Variants in FAF1 observed in about 807,000 individuals in gnomAD.
FAF1 encodes the protein FAS-associated factor 1.
FAF1 carries 25 observed loss-of-function variants against 92.5 expected under a neutral mutation model. The observed-to-expected ratio is 0.27, with a 90% CI of 0.20 to 0.38. FAF1 has a LOEUF of 0.38. Ranked by LOEUF, FAF1 falls within the 10% of genes least tolerant of loss-of-function variation. FAF1 has a pLI of 1.00. For missense variants in FAF1, 636 were observed against 793.3 expected (o/e 0.80, Z 2.38); for synonymous variants, 234 against 273.2 (o/e 0.86, Z 1.42).
chr1:50,941,409 G>T (rs1645131905), intron 1 of FAF1, among the ~76,000 whole-genome samples: 1 of 152,072 alleles, frequency 6.6e-6, no homozygotes, highest in African/African-American at 2.4e-5. Flanking sequence ...TAGAGATGGG[G>T]TTTTACCATG....
At chr1:50,817,056 C>T (rs1643984039) in intron 2 of FAF1, among the ~76,000 whole-genome samples, 1 of 152,142 alleles carries the variant, frequency 6.6e-6, no homozygotes, top group South Asian at 2.1e-4. Context: ...TGTTTTTGTA[C>T]TAGTACCATG....
intron 2 of FAF1, among the ~76,000 whole-genome samples, chr1:50,815,689 C>G (rs1278519960): frequency 6.6e-6 from 1 of 152,138 alleles, no homozygotes; most frequent in East Asian, 1.9e-4. Flanking sequence ...TTTCCTTTTC[C>G]CTATAGCTTC....
At position 50,583,710 on chromosome 1, in the gene FAF1, C is replaced by T; in HGVS notation, c.973G>A (p.Glu325Lys). 1 of 1,564,372 alleles carries T rather than the reference C, an allele frequency of 6.4e-7. No homozygotes were observed. The highest frequency in any genetic ancestry group is 8.7e-7 in the Non-Finnish European group (1 of 1,152,100). ...SALRKSPMMP[E>K]NAENEGDALL... ...GCATCTCCTTCATTTTCTGCGTTTTCTGGCACTAAAAAACAAACAAAAGAA... is the reference window on the plus strand; with the variant it reads ...GCATCTCCTTCATTTTCTGCGTTTTTTGGCACTAAAAAACAAACAAAAGAA... Residue 325 changes from glutamate to lysine, a missense_variant, in exon 11 of 19, where the codon GAA becomes AAA. Glu to Lys is a moderately conservative substitution (Grantham distance 56). Coordinates refer to ENST00000396153, the MANE Select transcript of FAF1 (RefSeq NM_007051.3). The surrounding 1 kb of genome is among the most constrained non-coding windows in gnomAD (Gnocchi z 4.2).
At chr1:50,687,873 C>T (rs999475330) in intron 7 of FAF1, among the ~76,000 whole-genome samples, 4 of 151,946 alleles carry the variant, frequency 2.6e-5, no homozygotes, top group Non-Finnish European at 4.4e-5. Context: ...CGGTGGCTCA[C>T]GCCTGTAATC....
intron 4 of FAF1, among the ~76,000 whole-genome samples, chr1:50,781,761 A>ATTAC (rs1661188376): frequency 6.6e-6 from 1 of 152,226 alleles, no homozygotes; most frequent in Non-Finnish European, 1.5e-5. Flanking sequence ...TCCATAAAAA[A>ATTAC]GTCTTAAACT....
chr1:50,616,480 T>G (rs1313551282), intron 8 of FAF1, among the ~76,000 whole-genome samples: 3 of 152,166 alleles, frequency 2.0e-5, no homozygotes, highest in Non-Finnish European at 2.9e-5. Flanking sequence ...TATGAATTGT[T>G]TTTCCATTTA....
chr1:50,544,421 G>A (rs919459000), intron 13 of FAF1, among the ~76,000 whole-genome samples: 1 of 151,958 alleles, frequency 6.6e-6, no homozygotes, highest in Non-Finnish European at 1.5e-5. Context: ...TTTTTAATAC[G>A]TCTCCAACCC....
rs1276186456 is a variant in FAF1 at position 50,438,616 on chromosome 1, G to A, written c.*2824C>T. 6.6e-6 allele frequency: 1 copy of A among 152,154 alleles called. No individual in the cohort carries two copies. Among genetic ancestry groups the A allele is most frequent in the Non-Finnish European group, 1.5e-5 (1 of 68,030 alleles). 9.4% of individuals were successfully genotyped at this position (152,154 alleles called of 1,614,324 possible). A position where few individuals can be genotyped will look rare whatever the true frequency, so the allele number is the denominator to read the frequency against. Reference sequence around the variant, plus strand: ...TCAATCAGTGATGCTGTTGTGGAGAGAATTAAGACCCTCTCCCACATTCAA... The same window carrying A: ...TCAATCAGTGATGCTGTTGTGGAGAAAATTAAGACCCTCTCCCACATTCAA... On this transcript the variant is annotated 3_prime_UTR_variant, in exon 19 of 19. Coordinates refer to ENST00000396153, the MANE Select transcript of FAF1 (RefSeq NM_007051.3).
At chr1:50,488,427 T>C (rs548182758) in intron 17 of FAF1, among the ~76,000 whole-genome samples, 1 of 152,272 alleles carries the variant, frequency 6.6e-6, no homozygotes, top group African/African-American at 2.4e-5. Flanking sequence ...TGTGTACCCT[T>C]GACATTTTAG....
At chr1:50,789,588 T>A (rs1231216341) in intron 3 of FAF1, among the ~76,000 whole-genome samples, 1 of 152,168 alleles carries the variant, frequency 6.6e-6, no homozygotes, top group Non-Finnish European at 1.5e-5. Flanking sequence ...GCCACTCTAG[T>A]CCAAGCCACA....
chr1:50,655,252 C>T (rs900940611), intron 8 of FAF1, among the ~76,000 whole-genome samples, 190 bp downstream of exon 8: 8 of 152,110 alleles, frequency 5.3e-5, no homozygotes, highest in African/African-American at 1.9e-4. Flanking sequence ...AAACTCCTGA[C>T]CTCAGGTGAT....
intron 4 of FAF1, among the ~76,000 whole-genome samples, chr1:50,754,455 T>C (rs11205768): frequency 0.47 from 71,156 of 151,992 alleles, 18,765 homozygotes; most frequent in African/African-American, 0.7. Context: ...TATTACCAAT[T>C]TTGTTCCCAC....
intron 12 of FAF1, among the ~76,000 whole-genome samples, chr1:50,581,638 G>A (rs1056147978): frequency 6.6e-6 from 1 of 152,138 alleles, no homozygotes; most frequent in African/African-American, 2.4e-5. Flanking sequence ...TAAGCAGAGG[G>A]TTTTTCACTG....
intron 6 of FAF1, among the ~76,000 whole-genome samples, chr1:50,738,540 G>A (rs1329836288): frequency 6.6e-6 from 1 of 151,552 alleles, no homozygotes; most frequent in African/African-American, 2.4e-5. Context: ...CTTTAGCAAT[G>A]AGAGAGATTG....
chr1:50,846,909 A>G (rs1644306352), intron 2 of FAF1: 2 of 351,556 alleles, frequency 5.7e-6, no homozygotes, highest in East Asian at 7.5e-5. Context: ...ATGAGAAGAA[A>G]TAGTTTACAA....
chr1:50,857,807 T>C (rs569361590), intron 2 of FAF1, 122 bp downstream of exon 2: 38 of 509,542 alleles, frequency 7.5e-5, no homozygotes, highest in African/African-American at 6.8e-4. Context: ...TTAGACTTTA[T>C]TAACTCAGCT....
intron 8 of FAF1, among the ~76,000 whole-genome samples, chr1:50,597,906 G>A (rs1450978050): frequency 6.6e-6 from 1 of 152,220 alleles, no homozygotes; most frequent in Non-Finnish European, 1.5e-5. Context: ...AGTAACAGGA[G>A]ACGGCTAAGT....
chr1:50,741,349 A>T (rs186857468), intron 5 of FAF1, among the ~76,000 whole-genome samples: 36 of 152,372 alleles, frequency 2.4e-4, no homozygotes, highest in African/African-American at 7.9e-4. Flanking sequence ...TGGAACATGG[A>T]AAGTGAGAGT....
At chr1:50,763,196 T>A (rs893795969) in intron 4 of FAF1, among the ~76,000 whole-genome samples, 5 of 152,152 alleles carry the variant, frequency 3.3e-5, no homozygotes, top group Admixed American at 2.6e-4. Context: ...AGGTAGTGGT[T>A]GCTGTAAGCC....
Sources: gnomAD v4.1 joint callset for allele counts (sites outside exome capture counted in the v4.1 genomes callset) on GRCh38, gnomAD v4.1.1 for gene constraint, Gnocchi (gnomAD v3.1) non-coding constraint, MANE v1.5 for transcripts, NCBI Gene and HGNC (gene_info 2026-07-23, HGNC 2026-07-21) for gene names.